AIF1L: variants seen among roughly 807,000 people sequenced by gnomAD.
The protein encoded by AIF1L is allograft inflammatory factor 1 like, also known as allograft inflammatory factor 1-like.
In AIF1L, 12 loss-of-function variants were observed where a neutral mutation model predicts 20.7. The ratio of observed to expected loss-of-function variants is 0.58; its 90% confidence interval spans 0.37 to 0.94. The LOEUF is 0.94. AIF1L is among the 40% of genes least tolerant of loss of function. AIF1L has a pLI of 0.01. For synonymous variants in AIF1L, 76 were observed against 65.1 expected (o/e 1.17, Z -0.81); for missense variants, 173 against 185.3 (o/e 0.93, Z 0.39).
intron 2 of AIF1L, among the ~76,000 whole-genome samples, chr9:131,110,359 T>A (rs1830847621): frequency 6.6e-6 from 1 of 152,094 alleles, no homozygotes; most frequent in South Asian, 2.1e-4. Context: ...TTTGAGTCTC[T>A]CCAAGCATCT....
intron 4 of AIF1L, among the ~76,000 whole-genome samples, chr9:131,115,411 C>G (rs1240746284): frequency 8.3e-6 from 1 of 120,416 alleles, no homozygotes; most frequent in Non-Finnish European, 1.6e-5. Context: ...GATTGTGCCA[C>G]TGCACTCCAG....
At chr9:131,101,454 CT>C (rs1830639407) in intron 2 of AIF1L, among the ~76,000 whole-genome samples, 1 of 151,822 alleles carries the variant, frequency 6.6e-6, no homozygotes. Context: ...TTAGGTGATC[CT>C]TGCACTTCAG....
In AIF1L at chr9:131,122,475, T is replaced by G. The variant is rs1831161350; in HGVS notation, c.*2153T>G. 1.2e-5 allele frequency: 1 copy of G among 81,730 alleles called. No individual in the cohort carries two copies. Among genetic ancestry groups the G allele is most frequent in the Non-Finnish European group, 2.7e-5 (1 of 37,484 alleles). The allele number at this position is 81,730 out of a possible 1,614,324, so 5.1% of individuals were successfully genotyped here. A position where few individuals can be genotyped will look rare whatever the true frequency, so the allele number is the denominator to read the frequency against. On this transcript the variant is annotated 3_prime_UTR_variant, in exon 6 of 6. Coordinates refer to ENST00000247291, the MANE Select transcript of AIF1L (RefSeq NM_031426.4). The stretch of plus-strand genomic sequence containing the variant: ...TACCCCCACCCTGCCCTGTTTTTTG[T>G]TTTTTTTTTCCCCAAGATCATTAGA...
intron 2 of AIF1L, among the ~76,000 whole-genome samples, chr9:131,097,646 T>C (rs1830556554): frequency 6.6e-6 from 1 of 152,214 alleles, no homozygotes; most frequent in Non-Finnish European, 1.5e-5. Flanking sequence ...TTCTAGAAGA[T>C]AAGGAAAGAT....
At chr9:131,100,033 T>G (rs1191278265) in intron 2 of AIF1L, among the ~76,000 whole-genome samples, 3 of 151,874 alleles carry the variant, frequency 2.0e-5, no homozygotes, top group Non-Finnish European at 4.4e-5. Flanking sequence ...CGCCCAAATT[T>G]AGCTTTTTGT....
At chr9:131,097,023 C>T (rs1027322671) in intron 2 of AIF1L, among the ~76,000 whole-genome samples, 160 bp downstream of exon 2, 1 of 152,182 alleles carries the variant, frequency 6.6e-6, no homozygotes, top group Non-Finnish European at 1.5e-5. Context: ...GCCCCGTCGC[C>T]TCCGACTCCA....
intron 5 of AIF1L, among the ~76,000 whole-genome samples, chr9:131,118,423 G>T (rs1453323631): frequency 2.6e-5 from 4 of 151,672 alleles, no homozygotes; most frequent in African/African-American, 9.7e-5. Context: ...TACCCTGTAG[G>T]GGAAATTAGC....
At chr9:131,119,390 A>C (rs1479301826) in intron 5 of AIF1L, among the ~76,000 whole-genome samples, 1 of 151,874 alleles carries the variant, frequency 6.6e-6, no homozygotes, top group Non-Finnish European at 1.5e-5. Flanking sequence ...AATCCTGGCT[A>C]CTCGGGAGGC....
chr9:131,097,292 T>C (rs1830550996), intron 2 of AIF1L, among the ~76,000 whole-genome samples: 1 of 152,222 alleles, frequency 6.6e-6, no homozygotes, highest in South Asian at 2.1e-4. Flanking sequence ...CAATCTCAGC[T>C]CATTGCAGCC....
rs1369422383 is a variant in AIF1L, at chr9:131,121,078, G to A, written c.*756G>A. The A allele has an allele frequency of 1.4e-6, 1 of 712,134 alleles. No individual in the cohort carries two copies. The allele number at this position is 712,134 out of a possible 1,614,324, so 44.1% of individuals were successfully genotyped here. Reference sequence around the variant, plus strand: ...AGAAGTGAGGCCTGGGGTTTTGGGGGAAAGGTCAGCTCAGTGCTGTTCCAC... The same window carrying A: ...AGAAGTGAGGCCTGGGGTTTTGGGGAAAAGGTCAGCTCAGTGCTGTTCCAC... On this transcript the variant is annotated 3_prime_UTR_variant, in exon 6 of 6. Transcript: ENST00000247291.
chr9:131,112,057 C>T (rs2133393898), intron 3 of AIF1L: 1 of 201,528 alleles, frequency 5.0e-6, no homozygotes, highest in South Asian at 9.3e-5. Flanking sequence ...TCAGGAGCCC[C>T]TGCGGAGAAT....
In AIF1L at chr9:131,096,782, C is replaced by T. The variant is rs746733292; in HGVS notation, c.32-20C>T. 4 of 1,519,724 alleles carry T rather than the reference C, an allele frequency of 2.6e-6. No individual in the cohort carries two copies. Among genetic ancestry groups the T allele is most frequent in the African/African-American group, 2.9e-5 (2 of 69,354 alleles). 94.1% of individuals were successfully genotyped at this position (1,519,724 alleles called of 1,614,324 possible). A position where few individuals can be genotyped will look rare whatever the true frequency, so the allele number is the denominator to read the frequency against. ...CCGAAGAGGACCCCGCTTCCCAGGCCGCCTCTTTGTCTCCTCCAGGAGGGA... is the reference window on the plus strand; with the variant it reads ...CCGAAGAGGACCCCGCTTCCCAGGCTGCCTCTTTGTCTCCTCCAGGAGGGA... On this transcript the variant is annotated intron_variant, in intron 1 of 5. Transcript: ENST00000247291.
chr9:131,102,072 A>G (rs539731741), intron 2 of AIF1L, among the ~76,000 whole-genome samples: 1 of 151,914 alleles, frequency 6.6e-6, no homozygotes, highest in African/African-American at 2.4e-5. Context: ...GCCCACCACC[A>G]CGGCTAATTT....
In AIF1L at chr9:131,113,497, C is replaced by CA. The variant is rs3057292; in HGVS notation, c.161-1057dup. Reference sequence around the variant, plus strand: ...TTGGTGACAGAATGAGACTCCATCTCAAAAAAAAAAAAAAAAAAAAAAAGC... The same window carrying CA: ...TTGGTGACAGAATGAGACTCCATCTCAAAAAAAAAAAAAAAAAAAAAAAAGC... On this transcript the variant is annotated intron_variant, in intron 3 of 5. Coordinates refer to ENST00000247291, the MANE Select transcript of AIF1L (RefSeq NM_031426.4). Among the ~76,000 whole-genome samples, 81 of 49,298 alleles carry CA rather than the reference C, an allele frequency of 1.6e-3. 1 individual carries two copies. The highest frequency in any genetic ancestry group is 5.7e-3 in the African/African-American group (74 of 13,084). The allele number at this position is 49,298 out of a possible 152,430, so 32.3% of individuals were successfully genotyped here. A position where few individuals can be genotyped will look rare whatever the true frequency, so the allele number is the denominator to read the frequency against.
At position 131,120,469 on chromosome 9, in the gene AIF1L, C is replaced by G. The variant is rs1588113996; in HGVS notation, c.*147C>G. On this transcript the variant is annotated 3_prime_UTR_variant, in exon 6 of 6. Coordinates refer to ENST00000247291, the MANE Select transcript of AIF1L (RefSeq NM_031426.4). ...TTTTCATCAATGTCTTTGTAAAGCA[C>G]AAATTATCTGCCTTAAAGGGGCTCT... 1.5e-6 allele frequency: 1 copy of G among 681,102 alleles called. No individual in the cohort carries two copies. Among genetic ancestry groups the G allele is most frequent in the Non-Finnish European group, 2.4e-6 (1 of 414,374 alleles). 42.2% of individuals were successfully genotyped at this position (681,102 alleles called of 1,614,324 possible). A position where few individuals can be genotyped will look rare whatever the true frequency, so the allele number is the denominator to read the frequency against.
intron 2 of AIF1L, among the ~76,000 whole-genome samples, chr9:131,103,773 A>G (rs1170721507): frequency 6.6e-6 from 1 of 152,210 alleles, no homozygotes; most frequent in Non-Finnish European, 1.5e-5. Context: ...AGAGTGGTAA[A>G]CAGGTAAAGT....
In AIF1L at chr9:131,120,670, A is replaced by C; in HGVS notation, c.*348A>C. ...AACCAGCACTCTCCATCCTTTCAGA[A>C]AGTCTCCAAGCCAAGTTCAGGCTCA... On this transcript the variant is annotated 3_prime_UTR_variant, in exon 6 of 6. Transcript: ENST00000247291. 1 of 297,616 alleles carries C rather than the reference A, an allele frequency of 3.4e-6. No individual in the cohort carries two copies. Among genetic ancestry groups the C allele is most frequent in the Non-Finnish European group, 6.2e-6 (1 of 161,258 alleles). 18.4% of individuals were successfully genotyped at this position (297,616 alleles called of 1,614,324 possible).
At chr9:131,103,342 G>A (rs1830678699) in intron 2 of AIF1L, among the ~76,000 whole-genome samples, 2 of 152,236 alleles carry the variant, frequency 1.3e-5, no homozygotes, top group Non-Finnish European at 2.9e-5. Flanking sequence ...GAGGACTTCA[G>A]GGCATCACGG....
intron 2 of AIF1L, among the ~76,000 whole-genome samples, chr9:131,110,128 C>G (rs1012405038): frequency 2.6e-5 from 4 of 152,164 alleles, no homozygotes; most frequent in Admixed American, 6.6e-5. Context: ...GGGAGGATCA[C>G]TTGAGATCGG....
Sources: allele counts gnomAD v4.1 joint callset (sites outside exome capture counted in the v4.1 genomes callset), GRCh38; gene constraint gnomAD v4.1.1; transcripts MANE v1.5; gene names NCBI Gene and HGNC (gene_info 2026-07-23, HGNC 2026-07-21).